GRM8: variants seen among roughly 807,000 people sequenced by gnomAD.
The protein encoded by GRM8 is glutamate metabotropic receptor 8, also known as metabotropic glutamate receptor 8.
Under a neutral mutation model 87.2 loss-of-function variants are expected in GRM8, and 47 were observed. The ratio of observed to expected loss-of-function variants is 0.54; its 90% CI spans 0.43 to 0.69. GRM8 has a LOEUF of 0.69. Among genes scored for constraint, GRM8 ranks in the 30% least tolerant of loss-of-function variants. GRM8 has a pLI of 0.00. For missense variants in GRM8, 1,019 were observed against 1,139.2 expected (o/e 0.89, Z 1.52); for synonymous variants, 396 against 404.5 (o/e 0.98, Z 0.25).
At chr7:126,955,676 A>G (rs1808601479) in intron 3 of GRM8, among the ~76,000 whole-genome samples, 2 of 152,170 alleles carry the variant, frequency 1.3e-5, no homozygotes, top group African/African-American at 4.8e-5. Flanking sequence ...ATTCAAATCT[A>G]TCTTCCTGTT....
At chr7:126,996,466 G>T (rs1813183984) in intron 3 of GRM8, among the ~76,000 whole-genome samples, 2 of 151,892 alleles carry the variant, frequency 1.3e-5, no homozygotes, top group African/African-American at 4.8e-5. Flanking sequence ...AACATAAAAT[G>T]TAAATGAACT....
intron 9 of GRM8, among the ~76,000 whole-genome samples, chr7:126,471,259 C>A (rs1439990524): frequency 6.6e-6 from 1 of 152,152 alleles, no homozygotes; most frequent in African/African-American, 2.4e-5. Flanking sequence ...ACATGAAGTC[C>A]TTGCCCATGC....
chr7:127,214,286 G>A (rs1796388608), intron 2 of GRM8, among the ~76,000 whole-genome samples: 3 of 152,178 alleles, frequency 2.0e-5, no homozygotes, highest in Admixed American at 1.3e-4. Flanking sequence ...TGCTGGTAAT[G>A]TTCTGTTCCT....
At chr7:127,119,706 G>T (rs1486665821) in intron 2 of GRM8, among the ~76,000 whole-genome samples, 1 of 152,102 alleles carries the variant, frequency 6.6e-6, no homozygotes, top group Non-Finnish European at 1.5e-5. Flanking sequence ...AGTTCAGTCT[G>T]CTTTCTGTTT....
rs139315329 is a variant in GRM8 at position 126,804,147 on chromosome 7, A to G, written c.1157-34082T>C. On this transcript the variant is annotated intron_variant, in intron 6 of 10. Transcript: ENST00000339582. The stretch of plus-strand genomic sequence containing the variant: ...TGTCCTCTCAGTCTGCACTTTTGCA[A>G]TTACAGCTCTTATCAATGTTGTATT... 1.6e-3 allele frequency among the ~76,000 whole-genome samples: 238 copies of G among 152,338 alleles called. 1 individual carries two copies. The highest frequency in any genetic ancestry group is 2.7e-3 in the Non-Finnish European group (183 of 68,024).
chr7:126,856,118 TGTC>T (rs1797657835), intron 6 of GRM8, among the ~76,000 whole-genome samples: 1 of 152,116 alleles, frequency 6.6e-6, no homozygotes, highest in African/African-American at 2.4e-5. Flanking sequence ...AAGTAAATTC[TGTC>T]TTTTTTTTTT....
chr7:126,764,438 G>A (rs763939059), intron 7 of GRM8, among the ~76,000 whole-genome samples: 3 of 151,924 alleles, frequency 2.0e-5, no homozygotes, highest in Admixed American at 6.6e-5. Context: ...TAGCATGATT[G>A]TAGTATATTT....
intron 3 of GRM8, among the ~76,000 whole-genome samples, chr7:127,015,109 G>A (rs1278465493): frequency 7.6e-6 from 1 of 131,348 alleles, no homozygotes. Flanking sequence ...GAAGGAGAAG[G>A]AAGAAGGAGA....
chr7:126,613,497 G>T (rs538384342), intron 7 of GRM8, among the ~76,000 whole-genome samples: 9 of 152,286 alleles, frequency 5.9e-5, no homozygotes, highest in Middle Eastern at 3.4e-3. Context: ...GAGGTACCAG[G>T]TTCATCTCAC....
chr7:126,679,070 C>T (rs531023576), intron 7 of GRM8, among the ~76,000 whole-genome samples: 139 of 151,940 alleles, frequency 9.1e-4, no homozygotes, highest in Middle Eastern at 6.8e-3. Context: ...CATTTTTTTT[C>T]GCTTGACCTC....
chr7:126,902,786 C>A, intron 5 of GRM8, 107 bp from the exon 6 acceptor site: 1 of 715,562 alleles, frequency 1.4e-6, no homozygotes, highest in Non-Finnish European at 2.2e-6. Flanking sequence ...AAGAAAAAAA[C>A]AAAACACATA....
At chr7:126,587,595 G>A (rs186758475) in intron 8 of GRM8, among the ~76,000 whole-genome samples, 24 of 150,148 alleles carry the variant, frequency 1.6e-4, no homozygotes, top group South Asian at 4.3e-4. Context: ...ACCAAACACC[G>A]CATATTCTCA....
chr7:126,855,736 A>C, intron 6 of GRM8, among the ~76,000 whole-genome samples: 1 of 152,206 alleles, frequency 6.6e-6, no homozygotes, highest in East Asian at 1.9e-4. Flanking sequence ...TGGTCTCCCA[A>C]AGTGCTGGGA....
At chr7:127,004,979 G>A (rs757005286) in intron 3 of GRM8, among the ~76,000 whole-genome samples, 19 of 151,434 alleles carry the variant, frequency 1.3e-4, no homozygotes, top group African/African-American at 3.6e-4. Flanking sequence ...TAATCATTAC[G>A]AAAGAGGAAG....
chr7:127,182,632 G>GGTGTGTGTGT lies in GRM8; in HGVS notation c.510+60053_510+60062dup, dbSNP rs35530710. On this transcript the variant is annotated intron_variant, in intron 2 of 10. Coordinates refer to ENST00000339582, the MANE Select transcript of GRM8 (RefSeq NM_000845.3). ...ATCAATGAGTAGATAAAGAAAGTGT[G>GGTGTGTGTGT]GTGTGTGTGTGTGTGTGTGTGTGTG... 2.2e-4 allele frequency among the ~76,000 whole-genome samples: 31 copies of GGTGTGTGTGT among 141,826 alleles called. No homozygotes were observed. The East Asian group carries it at 2.6e-3, about 12-fold the overall frequency. The allele number at this position is 141,826 out of a possible 152,430, so 93.0% of individuals were successfully genotyped here. A position where few individuals can be genotyped will look rare whatever the true frequency, so the allele number is the denominator to read the frequency against.
chr7:127,037,738 GAGATATCTCAGCCCTGCA>G (rs1473806424), intron 3 of GRM8, among the ~76,000 whole-genome samples: 1 of 152,064 alleles, frequency 6.6e-6, no homozygotes, highest in Non-Finnish European at 1.5e-5. Context: ...AACAATAGCG[GAGATATCTCAGCCCTGCA>G]GAACACAGGA....
intron 3 of GRM8, among the ~76,000 whole-genome samples, chr7:126,985,386 G>T (rs1327799498): frequency 6.6e-6 from 1 of 152,046 alleles, no homozygotes; most frequent in Admixed American, 6.5e-5. Flanking sequence ...AATAAAAAGA[G>T]AAAACTCATT....
At chr7:127,138,248 A>G (rs1828050275) in intron 2 of GRM8, among the ~76,000 whole-genome samples, 1 of 152,080 alleles carries the variant, frequency 6.6e-6, no homozygotes, top group African/African-American at 2.4e-5. Context: ...CACCCATTGC[A>G]TTCTTTTAAA....
intron 3 of GRM8, among the ~76,000 whole-genome samples, chr7:126,950,545 T>A (rs147959605): frequency 6.6e-6 from 1 of 152,236 alleles, no homozygotes; most frequent in East Asian, 1.9e-4. Context: ...TTTTTTTAAT[T>A]CCAAGTGTTT....
Sources: allele counts gnomAD v4.1 joint callset (sites outside exome capture counted in the v4.1 genomes callset), GRCh38; gene constraint gnomAD v4.1.1; transcripts MANE v1.5; gene names NCBI Gene and HGNC (gene_info 2026-07-23, HGNC 2026-07-21).